Variants in WDR5 observed in about 807,000 individuals in gnomAD.
WDR5 encodes WD repeat-containing protein 5.
For synonymous variants in WDR5, 144 were observed against 161.6 expected (o/e 0.89, Z 0.83); for missense variants, 187 against 416.9 (o/e 0.45, Z 4.80).
rs1248869047 is a variant in WDR5 at position 134,155,905 on chromosome 9, C to G, written c.816+138C>G. Reference sequence around the variant, plus strand: ...GAATTTCCATTTCAACCAAAGCGCACTGCGCCAAGTACCGGGGACACCTTG... The same window carrying G: ...GAATTTCCATTTCAACCAAAGCGCAGTGCGCCAAGTACCGGGGACACCTTG... On this transcript the variant is annotated intron_variant, in intron 12 of 13. Transcript: ENST00000358625. 5 of 804,422 alleles carry G rather than the reference C, an allele frequency of 6.2e-6. No individual in the cohort carries two copies. In the Admixed American group the frequency reaches 6.8e-5, roughly 11 times the overall value. 49.8% of individuals were successfully genotyped at this position (804,422 alleles called of 1,614,324 possible).
At chr9:134,156,336 A>T (rs989534565) in intron 12 of WDR5, among the ~76,000 whole-genome samples, 170 bp from the exon 13 acceptor site, 26 of 152,176 alleles carry the variant, frequency 1.7e-4, no homozygotes, top group African/African-American at 6.0e-4. Context: ...TGGGAGAGGA[A>T]GCCTCAGGCC....
At position 134,141,757 on chromosome 9, in the gene WDR5, A is replaced by G. The variant is rs925688817; in HGVS notation, c.264+174A>G. Among the ~76,000 whole-genome samples the G allele has an allele frequency of 2.6e-5, 4 of 152,180 alleles. 1 individual carries two copies. Among genetic ancestry groups the G allele is most frequent in the African/African-American group, 4.8e-5 (2 of 41,512 alleles). On this transcript the variant is annotated intron_variant, in intron 4 of 13. Transcript: ENST00000358625. ...TTAACCCAAATAACATTTGACTTCC[A>G]TGGAGGAGTGTCTGTGAGGCTGGCA...
rs1832493883 is a variant in WDR5 at position 134,151,670 on chromosome 9, A to G, written c.585-313A>G. ...GCTGCTGCTGCCCCTCTCCTTGGCC[A>G]GGGAGAGTGGAGAGAGCAACAGGCT... On this transcript the variant is annotated intron_variant, in intron 8 of 13. Transcript: ENST00000358625. Among the ~76,000 whole-genome samples, 4 of 152,162 alleles carry G rather than the reference A, an allele frequency of 2.6e-5. No individual in the cohort carries two copies. The South Asian group carries it at 8.3e-4, about 32-fold the overall frequency.
chr9:134,142,767 C>G (rs372393699), intron 7 of WDR5, 48 bp downstream of exon 7: 16 of 1,589,642 alleles, frequency 1.0e-5, no homozygotes, highest in Non-Finnish European at 1.4e-5. Flanking sequence ...CTACGTTTCT[C>G]TGACATCGGA....
In WDR5 at chr9:134,136,530, C is replaced by T. The variant is rs367841503; in HGVS notation, c.-59+330C>T. Among the ~76,000 whole-genome samples the T allele has an allele frequency of 4.6e-5, 7 of 152,316 alleles. No individual in the cohort carries two copies. In the East Asian group the frequency reaches 1.2e-3, roughly 25 times the overall value. On this transcript the variant is annotated intron_variant, in intron 1 of 13. Coordinates refer to ENST00000358625, the MANE Select transcript of WDR5 (RefSeq NM_017588.3). The stretch of plus-strand genomic sequence containing the variant: ...TGCCCGGCCTCACATCGCCCCTCTC[C>T]CTCCACTGCCCCTTCAGGGAAGGAC...
rs114042613 is a variant in WDR5 at position 134,141,793 on chromosome 9, A to C, written c.265-156A>C. Among the ~76,000 whole-genome samples the C allele has an allele frequency of 2.1e-3, 321 of 152,294 alleles. 4 individuals are homozygous for C. Among genetic ancestry groups the C allele is most frequent in the African/African-American group, 7.3e-3 (304 of 41,570 alleles). On this transcript the variant is annotated intron_variant, in intron 4 of 13. Coordinates refer to ENST00000358625, the MANE Select transcript of WDR5 (RefSeq NM_017588.3). Reference sequence around the variant, plus strand: ...TCTGTGAGGCTGGCAGAGCTGCAGAAAGCCTGCTGTTTTTCTCCTGGGCCG... The same window carrying C: ...TCTGTGAGGCTGGCAGAGCTGCAGACAGCCTGCTGTTTTTCTCCTGGGCCG...
rs1361536426 is a variant in WDR5, at chr9:134,157,063, C to T, written c.904+470C>T. On this transcript the variant is annotated intron_variant, in intron 13 of 13. Coordinates refer to ENST00000358625, the MANE Select transcript of WDR5 (RefSeq NM_017588.3). This position sits in a 1 kb window ranked among gnomAD's most constrained non-coding sequence, Gnocchi z 5.0. ...TGGTTCCCAGGCTACCTGGGGTTGC[C>T]ACCTCTGTGGGTCCCGGCTGCCCTC... is the stretch of plus-strand genomic sequence containing the variant. 6.6e-6 allele frequency among the ~76,000 whole-genome samples: 1 copy of T among 152,120 alleles called. No homozygotes were observed. Among genetic ancestry groups the T allele is most frequent in the African/African-American group, 2.4e-5 (1 of 41,420 alleles).
intron 1 of WDR5, among the ~76,000 whole-genome samples, chr9:134,137,454 G>C (rs28533919): frequency 6.6e-6 from 1 of 151,940 alleles, no homozygotes; most frequent in Non-Finnish European, 1.5e-5. Flanking sequence ...AGGCTGAGGC[G>C]GGCGGATTGC....
At chr9:134,136,437 C>G (rs1290136032) in intron 1 of WDR5, among the ~76,000 whole-genome samples, 1 of 151,918 alleles carries the variant, frequency 6.6e-6, no homozygotes, top group African/African-American at 2.4e-5. Context: ...GCCCCCACCT[C>G]CGCCTCCCCG....
At chr9:134,140,394 A>T (rs1441623195) in intron 2 of WDR5, among the ~76,000 whole-genome samples, 1 of 150,832 alleles carries the variant, frequency 6.6e-6, no homozygotes, top group Non-Finnish European at 1.5e-5. Flanking sequence ...GCAGGATCAC[A>T]GGTGGGATTG....
chr9:134,142,209 G>C, intron 5 of WDR5, 124 bp from the exon 6 acceptor site: 2 of 1,212,686 alleles, frequency 1.6e-6, no homozygotes, highest in Non-Finnish European at 2.3e-6. Flanking sequence ...TTGACTTCGG[G>C]GAACAGCAAG....
Position 134,140,697 on chromosome 9 carries a change from C to T in WDR5, c.82-6C>T, listed in dbSNP as rs1831839463. 1 of 1,613,686 alleles carries T rather than the reference C, an allele frequency of 6.2e-7. No individual in the cohort carries two copies. Among genetic ancestry groups the T allele is most frequent in the Admixed American group, 1.7e-5 (1 of 59,998 alleles). The stretch of plus-strand genomic sequence containing the variant: ...GTGACTTTTTGCTAACTGGTCTTTC[C>T]TGCAGCCTACACCTGTGAAGCCAAA... On this transcript the variant is annotated splice_region_variant and splice_polypyrimidine_tract_variant and intron_variant, in intron 2 of 13. Coordinates refer to ENST00000358625, the MANE Select transcript of WDR5 (RefSeq NM_017588.3).
At chr9:134,151,880 T>C (rs1832506798) in intron 8 of WDR5, 103 bp from the exon 9 acceptor site, 3 of 1,160,022 alleles carry the variant, frequency 2.6e-6, no homozygotes, top group Admixed American at 2.2e-5. Context: ...TAAAAAAAGA[T>C]AGGGAAAAGC....
Position 134,142,048 on chromosome 9 carries a change from A to C in WDR5, c.354+10A>C. ...ATGGGACGTGAGCTCGGTAAGTGAC[A>C]CTCAGTGCTTCTCTCCAGGGGAGAC... On this transcript the variant is annotated intron_variant, in intron 5 of 13. Transcript: ENST00000358625. 1 of 1,613,262 alleles carries C rather than the reference A, an allele frequency of 6.2e-7. No individual in the cohort carries two copies. Among genetic ancestry groups the C allele is most frequent in the South Asian group, 1.1e-5 (1 of 91,054 alleles).
At chr9:134,136,728 TC>T (rs1456182661) in intron 1 of WDR5, among the ~76,000 whole-genome samples, 5 of 152,078 alleles carry the variant, frequency 3.3e-5, no homozygotes, top group African/African-American at 1.2e-4. Flanking sequence ...CCACCGTGCC[TC>T]CTCGCGCGGG....
Position 134,158,052 on chromosome 9 carries a change from CAG to C in WDR5, c.*60_*61del, listed in dbSNP as rs1198786135. 1.6e-5 allele frequency: 25 copies of C among 1,528,748 alleles called. No individual in the cohort carries two copies. In the East Asian group the frequency reaches 2.7e-4, roughly 17 times the overall value. 94.7% of individuals were successfully genotyped at this position (1,528,748 alleles called of 1,614,324 possible). ...GAAGTTGACCCGGATTGGCAAGAAA[CAG>C]GGTGTCTTGGAGGTGGTCCCCCAGA... On this transcript the variant is annotated 3_prime_UTR_variant, in exon 14 of 14. Coordinates refer to ENST00000358625, the MANE Select transcript of WDR5 (RefSeq NM_017588.3).
rs138780598 is a variant in WDR5, at chr9:134,143,495, C to T, written c.528+776C>T. ...AGCGGAGGTTGCAGTGAGCCGAGAT[C>T]GCACCACTGCCTGGGTGACGAGAGC... On this transcript the variant is annotated intron_variant, in intron 7 of 13. Transcript: ENST00000358625. Among the ~76,000 whole-genome samples the T allele has an allele frequency of 2.0e-3, 292 of 148,174 alleles. 8 individuals carry two copies. The East Asian group carries it at 0.021, about 11-fold the overall frequency.
At chr9:134,145,309 G>C (rs1005044552) in intron 7 of WDR5, among the ~76,000 whole-genome samples, 4 of 152,034 alleles carry the variant, frequency 2.6e-5, no homozygotes, top group Non-Finnish European at 4.4e-5. Flanking sequence ...ATGTTGGCCA[G>C]GCTGGTCTCA....
chr9:134,145,079 G>A (rs371370635), intron 7 of WDR5, among the ~76,000 whole-genome samples: 12 of 143,964 alleles, frequency 8.3e-5, no homozygotes, highest in African/African-American at 3.1e-4. Context: ...CCACTGCAGA[G>A]AGGTTTGTGG....
Sources: gnomAD v4.1 joint callset for allele counts (sites outside exome capture counted in the v4.1 genomes callset) on GRCh38, gnomAD v4.1.1 for gene constraint, Gnocchi (gnomAD v3.1) non-coding constraint, MANE v1.5 for transcripts, NCBI Gene and HGNC (gene_info 2026-07-23, HGNC 2026-07-21) for gene names.